Variants in SEMA7A observed in about 807,000 individuals in gnomAD.
The protein encoded by SEMA7A is semaphorin 7A (JohnMiltonHagen blood group), also known as semaphorin-7A.
SEMA7A carries 21 observed loss-of-function variants against 67.5 expected under a neutral mutation model. The ratio of observed to expected loss-of-function variants is 0.31; its 90% confidence interval spans 0.22 to 0.45. The LOEUF is 0.45. Among genes scored for constraint, SEMA7A ranks in the 20% least tolerant of loss-of-function variants. The pLI, the probability that SEMA7A is intolerant of heterozygous loss-of-function variation, is 1.00. For synonymous variants in SEMA7A, 364 were observed against 368.5 expected (o/e 0.99, Z 0.14); for missense variants, 774 against 908.6 (o/e 0.85, Z 1.90).
At chr15:74,429,313 G>A (rs575978587) in intron 1 of SEMA7A, among the ~76,000 whole-genome samples, 1 of 152,302 alleles carries the variant, frequency 6.6e-6, no homozygotes, top group African/African-American at 2.4e-5. Flanking sequence ...CCCCTGGGCT[G>A]AGCTTCACAT....
Position 74,411,328 on chromosome 15 carries a change from C to T in SEMA7A, c.1606G>A (p.Glu536Lys). The T allele has an allele frequency of 1.2e-6, 2 of 1,614,048 alleles. No individual in the cohort carries two copies. The highest frequency in any genetic ancestry group is 1.7e-6 in the Non-Finnish European group (2 of 1,179,990). The change falls in exon 13 of 14, where the codon GAG (glutamate) becomes AAG (lysine). Residue 536 changes from glutamate to lysine, a missense_variant. Glu to Lys is a moderately conservative substitution (Grantham distance 56). Coordinates refer to ENST00000261918, the MANE Select transcript of SEMA7A (RefSeq NM_003612.5). This position sits in a 1 kb window ranked among gnomAD's most constrained non-coding sequence, Gnocchi z 4.4. ...RSVLQSINPA[E>K]PHKECPNPKP... ...GGGTTGGGACACTCCTTGTGTGGCTCGGCTGGATTAATGGATTGCAGCACT... is the reference window on the plus strand; with the variant it reads ...GGGTTGGGACACTCCTTGTGTGGCTTGGCTGGATTAATGGATTGCAGCACT...
At chr15:74,421,251 C>G (rs773740810) in intron 1 of SEMA7A, among the ~76,000 whole-genome samples, 1 of 152,198 alleles carries the variant, frequency 6.6e-6, no homozygotes, top group Admixed American at 6.5e-5. Flanking sequence ...AGCCACACCA[C>G]AGAAAACTTC....
chr15:74,411,906 G>C lies in SEMA7A; in HGVS notation c.1401C>G (p.Thr467=), dbSNP rs1261526466. 1 of 1,614,002 alleles carries C rather than the reference G, an allele frequency of 6.2e-7. No individual in the cohort carries two copies. Among genetic ancestry groups the C allele is most frequent in the South Asian group, 1.1e-5 (1 of 91,076 alleles). The part of the protein sequence containing the change: ...QPFRRAAAIQ[T]MSLDAERRKL... Reference sequence around the variant, plus strand: ...TCACCCGCTCAGCATCCAGCGACATGGTCTGGATGGCAGCCGCGCGGCGGA... The same window carrying C: ...TCACCCGCTCAGCATCCAGCGACATCGTCTGGATGGCAGCCGCGCGGCGGA... The change falls in exon 11 of 14, where the codon ACC becomes ACG. Residue 467 remains threonine, a synonymous_variant. Coordinates refer to ENST00000261918, the MANE Select transcript of SEMA7A (RefSeq NM_003612.5). This position sits in a 1 kb window ranked among gnomAD's most constrained non-coding sequence, Gnocchi z 4.4.
chr15:74,415,018 G>T, intron 8 of SEMA7A, 72 bp from the exon 9 acceptor site: 1 of 1,284,116 alleles, frequency 7.8e-7, no homozygotes, highest in Non-Finnish European at 1.1e-6. Flanking sequence ...ACCCAGGCCA[G>T]CCTTGTGCCT....
At chr15:74,424,698 G>A (rs2061028555) in intron 1 of SEMA7A, among the ~76,000 whole-genome samples, 1 of 152,194 alleles carries the variant, frequency 6.6e-6, no homozygotes, top group Non-Finnish European at 1.5e-5. Context: ...AGGCTGTGCT[G>A]AGCAGGATTC....
At chr15:74,424,093 C>G (rs191505387) in intron 1 of SEMA7A, among the ~76,000 whole-genome samples, 125 of 152,320 alleles carry the variant, frequency 8.2e-4, no homozygotes, top group African/African-American at 3.0e-3. Context: ...CATCCTCCCA[C>G]CCACCAAGGT....
Position 74,431,275 on chromosome 15 carries a change from G to A in SEMA7A, c.178+2466C>T, listed in dbSNP as rs181623420. ...TCTAAGGGTCAAAGACAAGTGTGGA[G>A]CTCAAGGACACCCAGCAGGTACATG... On this transcript the variant is annotated intron_variant, in intron 1 of 13. Coordinates refer to ENST00000261918, the MANE Select transcript of SEMA7A (RefSeq NM_003612.5). Among the ~76,000 whole-genome samples the A allele has an allele frequency of 3.3e-3, 507 of 152,060 alleles. 4 individuals are homozygous for A. Among genetic ancestry groups the A allele is most frequent in the Admixed American group, 4.9e-3 (75 of 15,278 alleles).
At chr15:74,427,606 C>T (rs940321217) in intron 1 of SEMA7A, among the ~76,000 whole-genome samples, 7 of 152,214 alleles carry the variant, frequency 4.6e-5, no homozygotes, top group Admixed American at 3.9e-4. Context: ...GCTGGGATTA[C>T]AGGCGTGAGA....
chr15:74,431,948 G>C (rs2061092253), intron 1 of SEMA7A, among the ~76,000 whole-genome samples: 1 of 152,354 alleles, frequency 6.6e-6, no homozygotes, highest in East Asian at 1.9e-4. Flanking sequence ...ACTGCGGGCG[G>C]GGGGGTAGGC....
At chr15:74,430,596 TCCAGGA>T (rs982671858) in intron 1 of SEMA7A, among the ~76,000 whole-genome samples, 7 of 152,310 alleles carry the variant, frequency 4.6e-5, no homozygotes, top group African/African-American at 1.7e-4. Context: ...ATCTTCACTG[TCCAGGA>T]CAGAGGGGTC....
Position 74,414,901 on chromosome 15 carries a change from C to T in SEMA7A, c.1032G>A (p.Lys344=), listed in dbSNP as rs535895939. ...VCVYSLGDID[K]VFRTSSLKGY... ...CCTTGAGTGAGGAGGTACGGAAGAC[C>T]TTGTCAATGTCACCGAGGGAATACA... Residue 344 remains lysine (K), a synonymous_variant, in exon 9 of 14, where the codon AAG becomes AAA. Transcript: ENST00000261918. This position sits in a 1 kb window ranked among gnomAD's most constrained non-coding sequence, Gnocchi z 4.1. 9.9e-6 allele frequency: 16 copies of T among 1,614,162 alleles called. No individual in the cohort carries two copies. The East Asian group carries it at 1.6e-4, about 16-fold the overall frequency.
At chr15:74,418,011 G>A (rs760143027) in intron 3 of SEMA7A, 42 bp from the exon 4 acceptor site, 65 of 1,597,306 alleles carry the variant, frequency 4.1e-5, no homozygotes, top group Non-Finnish European at 5.3e-5. Flanking sequence ...ATTGGTTGCT[G>A]GAAGGCCCTG....
At chr15:74,420,193 T>G (rs1277903708) in intron 1 of SEMA7A, among the ~76,000 whole-genome samples, 5 of 152,268 alleles carry the variant, frequency 3.3e-5, no homozygotes, top group African/African-American at 1.2e-4. Flanking sequence ...GATTCTGCAT[T>G]TAACAGGGGC....
chr15:74,421,635 C>A (rs2141283353), intron 1 of SEMA7A, among the ~76,000 whole-genome samples: 1 of 152,344 alleles, frequency 6.6e-6, no homozygotes, highest in African/African-American at 2.4e-5. Flanking sequence ...TCCACCCCAG[C>A]CCCAGCCTGG....
intron 1 of SEMA7A, among the ~76,000 whole-genome samples, chr15:74,424,129 T>A (rs561618758): frequency 1.5e-4 from 23 of 152,210 alleles, no homozygotes; most frequent in African/African-American, 5.3e-4. Context: ...GGGGAGTATA[T>A]CTCATGTGTG....
At chr15:74,412,149 C>A in intron 10 of SEMA7A, 137 bp from the exon 11 acceptor site, 1 of 1,034,146 alleles carries the variant, frequency 9.7e-7, no homozygotes, top group Non-Finnish European at 1.4e-6. Context: ...GCGAGGAGAG[C>A]GTGACTGGGG....
chr15:74,427,424 G>A, intron 1 of SEMA7A: 1 of 982,906 alleles, frequency 1.0e-6, no homozygotes, highest in Non-Finnish European at 1.2e-6. Flanking sequence ...TCCTCGACAG[G>A]CTGGGCCAGA....
chr15:74,433,263 C>T (rs1315238687), intron 1 of SEMA7A, among the ~76,000 whole-genome samples: 1 of 151,394 alleles, frequency 6.6e-6, no homozygotes, highest in Non-Finnish European at 1.5e-5. Context: ...GCTGCCGAAG[C>T]GCGGCGGCGG....
At chr15:74,413,182 C>T (rs1567070712) in intron 10 of SEMA7A, among the ~76,000 whole-genome samples, 1 of 152,268 alleles carries the variant, frequency 6.6e-6, no homozygotes, top group Non-Finnish European at 1.5e-5. Context: ...GGCCCCACCC[C>T]AGCCACTGCC....
Sources: gnomAD v4.1 joint callset for allele counts (sites outside exome capture counted in the v4.1 genomes callset) on GRCh38, gnomAD v4.1.1 for gene constraint, Gnocchi (gnomAD v3.1) non-coding constraint, MANE v1.5 for transcripts, NCBI Gene and HGNC (gene_info 2026-07-23, HGNC 2026-07-21) for gene names.